NIT1: variants seen among roughly 807,000 people sequenced by gnomAD.
NIT1 encodes deaminated glutathione amidase.
NIT1 carries 30 observed loss-of-function variants against 36.8 expected under a neutral mutation model. The ratio of observed to expected loss-of-function variants is 0.82; its 90% CI spans 0.61 to 1.11. NIT1 has a LOEUF of 1.11. Ranked by LOEUF, NIT1 falls within the 50% of genes least tolerant of loss-of-function variation. The pLI, the probability that NIT1 is intolerant of heterozygous loss-of-function variation, is 0.00. For missense variants in NIT1, 438 were observed against 410.6 expected, an observed-to-expected ratio of 1.07 and a Z score of -0.58; for synonymous variants, 151 against 155.6, an observed-to-expected ratio of 0.97 and a Z score of 0.22.
At chr1:161,125,420 A>T (rs1656060528), downstream of NIT1, 1 of 152,240 alleles carries the variant, frequency 6.6e-6, no homozygotes, top group African/African-American at 2.4e-5. Context: ...CATGGATTTA[A>T]AATAAACATT....
chr1:161,119,966 A>G lies in NIT1; in HGVS notation c.591+14A>G. The G allele has an allele frequency of 4.4e-6, 7 of 1,606,012 alleles. No individual in the cohort carries two copies. Among genetic ancestry groups the G allele is most frequent in the Non-Finnish European group, 6.0e-6 (7 of 1,176,148 alleles). On this transcript the variant is annotated intron_variant, in intron 5 of 6. Transcript: ENST00000368009. ...CCAGCAGGCAAGGTAGGAGTTGTGA[A>G]AGGATGAGGGAGGGGAACAGGAATA... is the stretch of plus-strand genomic sequence containing the variant.
intron 6 of NIT1, 118 bp from the exon 7 acceptor site, chr1:161,120,381 C>T (rs1655323070): frequency 2.8e-6 from 4 of 1,444,108 alleles, no homozygotes; most frequent in Non-Finnish European, 2.8e-6. Context: ...AATAGTAAAT[C>T]ATTCCTAGGC....
intron 1 of NIT1, chr1:161,118,497 A>G: frequency 1.3e-6 from 2 of 1,536,178 alleles, no homozygotes; most frequent in Non-Finnish European, 1.7e-6. Context: ...TAGTTCCCGG[A>G]GATGACTTTT....
rs779403008 is a variant in NIT1 at position 161,119,954 on chromosome 1, T to C, written c.591+2T>C. ...CCTGTCAGCACACCAGCAGGCAAGG[T>C]AGGAGTTGTGAAAGGATGAGGGAGG... On this transcript the variant is annotated splice_donor_variant, in intron 5 of 6. Transcript: ENST00000368009. LOFTEE classifies it high-confidence loss of function. 35 of 1,607,162 alleles carry C rather than the reference T, an allele frequency of 2.2e-5. No individual in the cohort carries two copies. The Admixed American group carries it at 4.0e-4, about 19-fold the overall frequency.
chr1:161,123,264 G>T (rs776425371), downstream of NIT1: 8 of 1,569,402 alleles, frequency 5.1e-6, no homozygotes, highest in Non-Finnish European at 7.0e-6. Context: ...TAGGGTAAAG[G>T]CAGAAATTCA....
downstream of NIT1, chr1:161,122,835 A>T (rs1032000535): frequency 1.6e-5 from 12 of 771,596 alleles, no homozygotes; most frequent in African/African-American, 2.1e-4. This position sits in a 1 kb window ranked among gnomAD's most constrained non-coding sequence, Gnocchi z 4.2. Flanking sequence ...GGCTCATCCT[A>T]CAATAAGGAT....
At chr1:161,120,274 C>T in intron 6 of NIT1, 42 bp downstream of exon 6, 1 of 1,608,050 alleles carries the variant, frequency 6.2e-7, no homozygotes, top group Non-Finnish European at 8.5e-7. Flanking sequence ...CTTTTCTTAA[C>T]CTCATCTTCC....
At chr1:161,119,000 C>T (rs1035885223) in intron 2 of NIT1, 119 bp downstream of exon 2, 1 of 1,354,788 alleles carries the variant, frequency 7.4e-7, no homozygotes, top group East Asian at 2.3e-5. Context: ...CCCTACTAGC[C>T]CTGGGTCAAC....
chr1:161,118,927 A>G, intron 2 of NIT1, 46 bp downstream of exon 2: 1 of 1,467,594 alleles, frequency 6.8e-7, no homozygotes, highest in South Asian at 1.1e-5. Context: ...TTAGATGCTC[A>G]GTTTGTTAAA....
rs1557970480 is a variant in NIT1, at chr1:161,119,376, C to T, written c.341C>T (p.Thr114Ile). 1.1e-5 allele frequency: 17 copies of T among 1,613,878 alleles called. No homozygotes were observed. The highest frequency in any genetic ancestry group is 1.7e-4 in the Middle Eastern group (1 of 6,060). The change falls in exon 3 of 7, where the codon ACC (threonine) becomes ATC (isoleucine). Residue 114 changes from threonine (T) to isoleucine (I), a missense_variant. By Grantham distance (89) the Thr-to-Ile change is moderately conservative. Coordinates refer to ENST00000368009, the MANE Select transcript of NIT1 (RefSeq NM_005600.3). ...GGTGGGAAACTTTTGGAAGAATACA[C>T]CCAGCTTGCCAGGTATCAGGGAAAT... ...PLGGKLLEEY[T>I]QLARECGLWL... is the part of the protein sequence containing the mutation.
downstream of NIT1, among the ~76,000 whole-genome samples, chr1:161,123,622 G>GGA (rs954176806): frequency 2.0e-5 from 3 of 146,486 alleles, no homozygotes; most frequent in African/African-American, 7.6e-5. Context: ...GGCGACAGAG[G>GGA]GAGACTCTGT....
downstream of NIT1, chr1:161,122,926 TC>T: frequency 6.8e-7 from 1 of 1,463,102 alleles, no homozygotes; most frequent in Non-Finnish European, 9.6e-7. This position sits in a 1 kb window ranked among gnomAD's most constrained non-coding sequence, Gnocchi z 4.2. Flanking sequence ...GAGCAGTTCT[TC>T]CACCAGACAC....
Position 161,118,833 on chromosome 1 carries a change from G to T in NIT1, c.50G>T (p.Cys17Phe). ...RPPHRFLSLLCPGLRIPQLSV... is the reference protein window; with the variant it reads ...RPPHRFLSLLFPGLRIPQLSV... ...CCTCACAGATTCCTGTCCCTTCTGT[G>T]TCCTGGACTCCGGATACCTCAACTC... The change falls in exon 2 of 7, where the codon TGT becomes TTT. Residue 17 changes from cysteine (C) to phenylalanine (F), a missense_variant. Cys to Phe is a radical substitution (Grantham distance 205). Coordinates refer to ENST00000368009, the MANE Select transcript of NIT1 (RefSeq NM_005600.3). 1 of 1,614,138 alleles carries T rather than the reference G, an allele frequency of 6.2e-7. No individual in the cohort carries two copies. The highest frequency in any genetic ancestry group is 8.5e-7 in the Non-Finnish European group (1 of 1,180,022).
downstream of NIT1, chr1:161,123,915 C>T (rs761160550): frequency 2.5e-6 from 4 of 1,613,916 alleles, no homozygotes; most frequent in Admixed American, 1.7e-5. Flanking sequence ...TTGATGTCTC[C>T]TCCAGATACT....
chr1:161,123,884 C>T, downstream of NIT1: 1 of 1,614,040 alleles, frequency 6.2e-7, no homozygotes, highest in Non-Finnish European at 8.5e-7. Context: ...TCACTGAGGG[C>T]TCTGGGGGTC....
At chr1:161,121,913 G>T (rs925417186), downstream of NIT1, 9 of 529,318 alleles carry the variant, frequency 1.7e-5, no homozygotes, top group African/African-American at 3.8e-5. Context: ...TAAGGTAGCT[G>T]TAGAGACACA....
chr1:161,122,556 G>T, downstream of NIT1: 1 of 1,593,912 alleles, frequency 6.3e-7, no homozygotes, highest in South Asian at 1.1e-5. The surrounding 1 kb of genome is among the most constrained non-coding windows in gnomAD (Gnocchi z 4.2). Flanking sequence ...AGCAGAAGAG[G>T]TTACAGTAAG....
chr1:161,124,294 CGTG>C, downstream of NIT1: 1 of 1,614,214 alleles, frequency 6.2e-7, no homozygotes, highest in Non-Finnish European at 8.5e-7. Context: ...AGTCCACGCT[CGTG>C]GTCATCAATG....
At chr1:161,124,504 C>T (rs370758739), downstream of NIT1, 154 of 1,566,254 alleles carry the variant, frequency 9.8e-5, no homozygotes, top group Admixed American at 1.1e-3. Flanking sequence ...AATCCCTGCT[C>T]AGCAGCTGCA....
Sources: gnomAD v4.1 joint callset for allele counts (sites outside exome capture counted in the v4.1 genomes callset) on GRCh38, gnomAD v4.1.1 for gene constraint, Gnocchi (gnomAD v3.1) non-coding constraint, MANE v1.5 for transcripts, NCBI Gene and HGNC (gene_info 2026-07-23, HGNC 2026-07-21) for gene names.